Variants in ACBD3 observed in about 807,000 individuals in gnomAD.
ACBD3 encodes the protein Golgi resident protein GCP60.
ACBD3 carries 30 observed loss-of-function variants against 66.9 expected under a neutral mutation model. That is an observed-to-expected ratio of 0.45 (90% confidence interval 0.34 to 0.61). The LOEUF is 0.61. Among genes scored for constraint, ACBD3 ranks in the 20% least tolerant of loss-of-function variants. The pLI is 0.02. For missense variants in ACBD3, 544 were observed against 664.5 expected, an observed-to-expected ratio of 0.82 and a Z score of 1.99; for synonymous variants, 278 against 259.8, an observed-to-expected ratio of 1.07 and a Z score of -0.68.
At chr1:226,173,971 C>T (rs1299989619) in intron 1 of ACBD3, among the ~76,000 whole-genome samples, 2 of 151,822 alleles carry the variant, frequency 1.3e-5, no homozygotes, top group South Asian at 2.1e-4. Context: ...CCATGTTGAC[C>T]GGGCTAGTCT....
intron 5 of ACBD3, among the ~76,000 whole-genome samples, chr1:226,157,176 T>C (rs556208474): frequency 1.1e-4 from 17 of 152,256 alleles, no homozygotes; most frequent in African/African-American, 3.9e-4. Context: ...CTCTTTCCTT[T>C]TCTCTTCTCA....
chr1:226,171,642 A>C (rs1472829901), intron 1 of ACBD3, among the ~76,000 whole-genome samples: 1 of 151,806 alleles, frequency 6.6e-6, no homozygotes, highest in Non-Finnish European at 1.5e-5. Context: ...GGCTCAAGCG[A>C]TTCTTGTGCC....
intron 1 of ACBD3, among the ~76,000 whole-genome samples, chr1:226,180,021 A>T (rs1656136451): frequency 6.6e-6 from 1 of 151,578 alleles, no homozygotes; most frequent in African/African-American, 2.4e-5. Flanking sequence ...AAATACAAAG[A>T]TTAGCTGGGT....
At chr1:226,183,096 T>C (rs1436470107) in intron 1 of ACBD3, among the ~76,000 whole-genome samples, 1 of 152,212 alleles carries the variant, frequency 6.6e-6, no homozygotes, top group African/African-American at 2.4e-5. Context: ...ACCCAAGCTA[T>C]TTGCAATGGA....
intron 1 of ACBD3, among the ~76,000 whole-genome samples, chr1:226,171,055 G>A (rs919376680): frequency 2.6e-5 from 4 of 152,102 alleles, no homozygotes; most frequent in Non-Finnish European, 5.9e-5. Flanking sequence ...TGGGATTATA[G>A]ACACGAGCCA....
intron 5 of ACBD3, among the ~76,000 whole-genome samples, chr1:226,156,126 T>C (rs535516024): frequency 6.6e-6 from 1 of 152,350 alleles, no homozygotes; most frequent in Admixed American, 6.5e-5. Context: ...ATGTAACTAA[T>C]ACTCAGATCA....
intron 2 of ACBD3, among the ~76,000 whole-genome samples, chr1:226,165,284 C>T (rs1392991943): frequency 1.3e-5 from 2 of 152,074 alleles, no homozygotes; most frequent in African/African-American, 2.4e-5. Context: ...GATTCTCCTG[C>T]TTCAGCCTCC....
intron 1 of ACBD3, among the ~76,000 whole-genome samples, chr1:226,170,792 CTTT>C (rs1659979828): frequency 6.6e-6 from 1 of 151,818 alleles, no homozygotes; most frequent in Non-Finnish European, 1.5e-5. Context: ...ACGTTTGCTT[CTTT>C]TTGAGACAGG....
At chr1:226,185,999 T>C (rs1257678355) in intron 1 of ACBD3, among the ~76,000 whole-genome samples, 3 of 151,986 alleles carry the variant, frequency 2.0e-5, no homozygotes, top group African/African-American at 7.3e-5. Context: ...TGACAAGCCA[T>C]GGGAAATAGG....
intron 1 of ACBD3, among the ~76,000 whole-genome samples, chr1:226,169,238 G>GTTT (rs955466997): frequency 8.9e-6 from 1 of 111,768 alleles, no homozygotes; most frequent in Non-Finnish European, 2.1e-5. Context: ...GATTTAGAGA[G>GTTT]TTTTTTTTTA....
intron 4 of ACBD3, 36 bp from the exon 5 acceptor site, chr1:226,159,394 AC>A (rs1659730471): frequency 1.9e-6 from 3 of 1,595,802 alleles, no homozygotes; most frequent in Non-Finnish European, 2.6e-6. Flanking sequence ...TAGTCTGGCT[AC>A]AGGAGATTGT....
intron 5 of ACBD3, among the ~76,000 whole-genome samples, chr1:226,156,020 G>C (rs1028675855): frequency 6.6e-6 from 1 of 152,130 alleles, no homozygotes; most frequent in Non-Finnish European, 1.5e-5. Context: ...AGGTAACTTT[G>C]GTGGGGAACT....
At chr1:226,166,274 GC>G (rs1659876983) in intron 1 of ACBD3, among the ~76,000 whole-genome samples, 2 of 151,776 alleles carry the variant, frequency 1.3e-5, no homozygotes, top group Non-Finnish European at 2.9e-5. Context: ...TCCCACCTCA[GC>G]CCCCCAAGTA....
chr1:226,169,964 C>T (rs1231676085), intron 1 of ACBD3, among the ~76,000 whole-genome samples: 2 of 141,638 alleles, frequency 1.4e-5, no homozygotes, highest in African/African-American at 2.6e-5. Flanking sequence ...GAGGTTGCAG[C>T]GAGCCTAAAT....
chr1:226,166,048 C>T, intron 1 of ACBD3, 48 bp from the exon 2 acceptor site: 1 of 1,560,926 alleles, frequency 6.4e-7, no homozygotes, highest in Non-Finnish European at 8.6e-7. Context: ...AGGCAAAATA[C>T]ATAATTTTCA....
At chr1:226,148,265 G>A (rs1379742024) in intron 7 of ACBD3, among the ~76,000 whole-genome samples, 1 of 152,208 alleles carries the variant, frequency 6.6e-6, no homozygotes, top group Non-Finnish European at 1.5e-5. Flanking sequence ...ACAGTACAAT[G>A]TAAGATGCTA....
At chr1:226,169,585 G>T (rs9426089) in intron 1 of ACBD3, among the ~76,000 whole-genome samples, 113,840 of 115,688 alleles carry the variant, frequency 0.98, 56,018 homozygotes, top group Admixed American at 0.99. Flanking sequence ...TTTTTTTTGG[G>T]ATTTTTAGTA....
chr1:226,161,421 G>C, intron 4 of ACBD3, 110 bp downstream of exon 4: 1 of 1,490,520 alleles, frequency 6.7e-7, no homozygotes, highest in Non-Finnish European at 9.1e-7. Flanking sequence ...GCCTCCCAAA[G>C]TGCTGGGATT....
At chr1:226,159,478 T>G in intron 4 of ACBD3, 120 bp from the exon 5 acceptor site, 1 of 839,556 alleles carries the variant, frequency 1.2e-6, no homozygotes, top group Non-Finnish European at 1.8e-6. Flanking sequence ...AAGCTAGTAA[T>G]GTACACCAAT....
Sources: allele counts gnomAD v4.1 joint callset (sites outside exome capture counted in the v4.1 genomes callset), GRCh38; gene constraint gnomAD v4.1.1; transcripts MANE v1.5; gene names NCBI Gene and HGNC (gene_info 2026-07-23, HGNC 2026-07-21).